OR52K1: variants seen among roughly 807,000 people sequenced by gnomAD.
OR52K1 encodes olfactory receptor family 52 subfamily K member 1.
OR52K1 carries 10 observed loss-of-function variants against 8.7 expected under a neutral mutation model. The ratio of observed to expected loss-of-function variants is 1.15; its 90% CI spans 0.71 to 1.95. OR52K1 has a LOEUF of 1.95. OR52K1 is among the 30% of genes most tolerant of loss of function. The pLI is 0.00. For missense variants in OR52K1, 431 were observed against 397.2 expected (o/e 1.08, Z -0.72); for synonymous variants, 203 against 148.5 (o/e 1.37, Z -2.67).
chr11:4,490,047 G>T lies in OR52K1; in HGVS notation c.*202G>T, dbSNP rs1179668182. 1.2e-5 allele frequency: 7 copies of T among 574,650 alleles called. 1 individual carries two copies. Among genetic ancestry groups the T allele is most frequent in the East Asian group, 5.8e-5 (2 of 34,356 alleles). 35.6% of individuals were successfully genotyped at this position (574,650 alleles called of 1,614,324 possible). On this transcript the variant is annotated 3_prime_UTR_variant, in exon 2 of 2. Coordinates refer to ENST00000641528, the MANE Select transcript of OR52K1 (RefSeq NM_001005171.3). ...CCTATAGTCTGGTCTGATAGTAGAGGTTTGACCTTCCCATTGTCATAGACT... is the reference window on the plus strand; with the variant it reads ...CCTATAGTCTGGTCTGATAGTAGAGTTTTGACCTTCCCATTGTCATAGACT...
At position 4,482,895 on chromosome 11, in the gene OR52K1, T is replaced by C. The variant is rs1846291064; in HGVS notation, c.-610T>C. The C allele has an allele frequency of 8.1e-6, 3 of 369,324 alleles. No homozygotes were observed. In the South Asian group the frequency reaches 4.4e-4, roughly 55 times the overall value. The allele number at this position is 369,324 out of a possible 1,614,324, so 22.9% of individuals were successfully genotyped here. On this transcript the variant is annotated 5_prime_UTR_variant, in exon 1 of 2. Transcript: ENST00000641528. ...CTGTTATTGCTTCTACTCTGGTCCT[T>C]CAATAGAGGGAACAGAAGTCTCGAT...
intron 1 of OR52K1, among the ~76,000 whole-genome samples, chr11:4,483,617 G>A (rs2133103702): frequency 7.6e-6 from 1 of 131,946 alleles, no homozygotes; most frequent in East Asian, 2.2e-4. Flanking sequence ...TCTGATAGAA[G>A]AGATGCCTTT....
At chr11:4,484,801 A>G (rs1443006402) in intron 1 of OR52K1, among the ~76,000 whole-genome samples, 4 of 150,332 alleles carry the variant, frequency 2.7e-5, no homozygotes, top group Non-Finnish European at 5.9e-5. Flanking sequence ...TGCTTCAGCT[A>G]AAGACATGAT....
In OR52K1 at chr11:4,488,819, A is replaced by G; in HGVS notation, c.-82A>G. On this transcript the variant is annotated 5_prime_UTR_variant, in exon 2 of 2. Coordinates refer to ENST00000641528, the MANE Select transcript of OR52K1 (RefSeq NM_001005171.3). ...TTGCAGGTGGGATAGCACAGGTTGA[A>G]CTCTAATCATATATACTGTAGAAGG... The G allele has an allele frequency of 3.2e-6, 3 of 929,172 alleles. No individual in the cohort carries two copies. Among genetic ancestry groups the G allele is most frequent in the Non-Finnish European group, 5.0e-6 (3 of 594,586 alleles). 57.6% of individuals were successfully genotyped at this position (929,172 alleles called of 1,614,324 possible). A position where few individuals can be genotyped will look rare whatever the true frequency, so the allele number is the denominator to read the frequency against.
At chr11:4,483,287 T>C (rs1846295299) in intron 1 of OR52K1, 111 bp downstream of exon 1, 2 of 397,724 alleles carry the variant, frequency 5.0e-6, no homozygotes, top group Admixed American at 8.8e-5. Flanking sequence ...TATGTCATTC[T>C]GATATCCTTT....
chr11:4,488,101 A>G (rs950150464), intron 1 of OR52K1, among the ~76,000 whole-genome samples: 3 of 152,314 alleles, frequency 2.0e-5, no homozygotes, highest in African/African-American at 7.2e-5. Flanking sequence ...TCAGTGGAGA[A>G]CCAAAAAAGG....
intron 1 of OR52K1, among the ~76,000 whole-genome samples, chr11:4,487,483 T>C (rs1301593551): frequency 2.0e-5 from 3 of 151,776 alleles, no homozygotes; most frequent in Non-Finnish European, 4.4e-5. Flanking sequence ...AGCCAATAAC[T>C]TTAGATTCTA....
rs575765169 is a variant in OR52K1, at chr11:4,489,772, C to T, written c.872C>T (p.Pro291Leu). ...CTCCTTTTCCCACCCATGGTCAATC[C>T]TATCATATATGGAGTCAAGACCAAG... Reference protein sequence around the residue: ...FYLLFPPMVNPIIYGVKTKQI... With the variant: ...FYLLFPPMVNLIIYGVKTKQI... The change falls in exon 2 of 2, where the codon CCT (proline) becomes CTT (leucine). Residue 291 changes from proline to leucine, a missense_variant. Coordinates refer to ENST00000641528, the MANE Select transcript of OR52K1 (RefSeq NM_001005171.3). The T allele has an allele frequency of 1.9e-5, 31 of 1,614,094 alleles. 1 individual carries two copies. In the Admixed American group the frequency reaches 5.0e-4, roughly 26 times the overall value.
In OR52K1 at chr11:4,493,363, C is replaced by G. The variant is rs911758070; in HGVS notation, c.*3518C>G. 1 of 152,226 alleles carries G rather than the reference C, an allele frequency of 6.6e-6. No homozygotes were observed. The highest frequency in any genetic ancestry group is 2.4e-5 in the African/African-American group (1 of 41,452). 9.4% of individuals were successfully genotyped at this position (152,226 alleles called of 1,614,324 possible). A position where few individuals can be genotyped will look rare whatever the true frequency, so the allele number is the denominator to read the frequency against. On this transcript the variant is annotated 3_prime_UTR_variant, in exon 2 of 2. Transcript: ENST00000641528. ...GGGTGTCTTCCCTAGGAACTGACTA[C>G]TACTAGACCACAGTCCACTAGGTAA... is the stretch of plus-strand genomic sequence containing the variant.
rs923996997 is a variant in OR52K1 at position 4,490,845 on chromosome 11, CA to C, written c.*1002del. 6.6e-6 allele frequency: 1 copy of C among 152,132 alleles called. No individual in the cohort carries two copies. Among genetic ancestry groups the C allele is most frequent in the Non-Finnish European group, 1.5e-5 (1 of 68,024 alleles). The allele number at this position is 152,132 out of a possible 1,614,324, so 9.4% of individuals were successfully genotyped here. A position where few individuals can be genotyped will look rare whatever the true frequency, so the allele number is the denominator to read the frequency against. ...TTGTTGTACAGATTATTTCATCACC[CA>C]AGTATTAAGCCTAGTATTCATTAGC... On this transcript the variant is annotated 3_prime_UTR_variant, in exon 2 of 2. Coordinates refer to ENST00000641528, the MANE Select transcript of OR52K1 (RefSeq NM_001005171.3).
rs957408612 is a variant in OR52K1 at position 4,493,174 on chromosome 11, G to C, written c.*3329G>C. 1 of 152,312 alleles carries C rather than the reference G, an allele frequency of 6.6e-6. No homozygotes were observed. Among genetic ancestry groups the C allele is most frequent in the African/African-American group, 2.4e-5 (1 of 41,458 alleles). The allele number at this position is 152,312 out of a possible 1,614,324, so 9.4% of individuals were successfully genotyped here. A position where few individuals can be genotyped will look rare whatever the true frequency, so the allele number is the denominator to read the frequency against. On this transcript the variant is annotated 3_prime_UTR_variant, in exon 2 of 2. Coordinates refer to ENST00000641528, the MANE Select transcript of OR52K1 (RefSeq NM_001005171.3). ...TGGAACGTGAAAGTGAAACAGGAGC[G>C]TGACTGCTGAAGCACAGCATCACAG...
At chr11:4,483,645 G>A (rs331506) in intron 1 of OR52K1, among the ~76,000 whole-genome samples, 31,920 of 152,046 alleles carry the variant, frequency 0.21, 3,574 homozygotes, top group South Asian at 0.38. Context: ...GTATGAAGAT[G>A]GGTAGACAGC....
chr11:4,483,741 G>A (rs1846298547), intron 1 of OR52K1, among the ~76,000 whole-genome samples: 1 of 152,068 alleles, frequency 6.6e-6, no homozygotes, highest in Admixed American at 6.5e-5. Flanking sequence ...TGGGTTTTGT[G>A]GAAAATACAT....
Position 4,489,097 on chromosome 11 carries a change from C to T in OR52K1, c.197C>T (p.Ala66Val), listed in dbSNP as rs142040619. ...CATGAACCCATGTACCTCTTTCTGG[C>T]CATGTTGGCAACCATTGACTTGGTT... is the stretch of plus-strand genomic sequence containing the variant. ...ALHEPMYLFL[A>V]MLATIDLVLS... Residue 66 changes from alanine to valine, a missense_variant, in exon 2 of 2, where the codon GCC becomes GTC. By Grantham distance (64) the Ala-to-Val change is moderately conservative. Transcript: ENST00000641528. 3.7e-4 allele frequency: 599 copies of T among 1,614,096 alleles called. 5 individuals are homozygous for T. Among genetic ancestry groups the T allele is most frequent in the Non-Finnish European group, 7.6e-5 (90 of 1,180,046 alleles).
In OR52K1 at chr11:4,489,804, C is replaced by A; in HGVS notation, c.904C>A (p.Arg302Ser). Residue 302 changes from arginine to serine, a missense_variant, in exon 2 of 2, where the codon CGT becomes AGT. Transcript: ENST00000641528. ...ATATGGAGTCAAGACCAAGCAGATT[C>A]GTGAGTATGTGCTCAGTCTATTCCA... Reference protein sequence around the residue: ...IIYGVKTKQIREYVLSLFQRK... With the variant: ...IIYGVKTKQISEYVLSLFQRK... 6.2e-7 allele frequency: 1 copy of A among 1,613,068 alleles called. No homozygotes were observed.
Position 4,488,745 on chromosome 11 carries a change from T to G in OR52K1, c.-156T>G. On this transcript the variant is annotated 5_prime_UTR_variant, in exon 2 of 2. Transcript: ENST00000641528. ...TATACTTCTCCATGTCTATGAAGGC[T>G]GCTAGGTTATTTTGTTTAAAGTCTA... 1.6e-6 allele frequency: 1 copy of G among 618,696 alleles called. No individual in the cohort carries two copies. Among genetic ancestry groups the G allele is most frequent in the Non-Finnish European group, 2.9e-6 (1 of 348,496 alleles). 38.3% of individuals were successfully genotyped at this position (618,696 alleles called of 1,614,324 possible).
chr11:4,485,770 T>A (rs1268153897), intron 1 of OR52K1, among the ~76,000 whole-genome samples: 1 of 152,070 alleles, frequency 6.6e-6, no homozygotes, highest in Non-Finnish European at 1.5e-5. Context: ...GTCACATACA[T>A]CTCCTCTCTG....
chr11:4,486,300 T>C (rs1846320468), intron 1 of OR52K1, among the ~76,000 whole-genome samples: 2 of 152,210 alleles, frequency 1.3e-5, no homozygotes, highest in Admixed American at 1.3e-4. Flanking sequence ...TCCCCTCTTC[T>C]GTGTCTAGAG....
At chr11:4,485,995 G>C (rs779023571) in intron 1 of OR52K1, among the ~76,000 whole-genome samples, 1 of 152,170 alleles carries the variant, frequency 6.6e-6, no homozygotes, top group Non-Finnish European at 1.5e-5. Flanking sequence ...TTCTTAGACT[G>C]TTCCTTTCCC....
Sources: allele counts gnomAD v4.1 joint callset (sites outside exome capture counted in the v4.1 genomes callset), GRCh38; gene constraint gnomAD v4.1.1; transcripts MANE v1.5; gene names NCBI Gene and HGNC (gene_info 2026-07-23, HGNC 2026-07-21).